SPIDR: variants seen among roughly 807,000 people sequenced by gnomAD.
SPIDR encodes the protein DNA repair-scaffolding protein.
In SPIDR, 93 loss-of-function variants were observed where a neutral mutation model predicts 104.6. That is an observed-to-expected ratio of 0.89 (90% confidence interval 0.75 to 1.06). The LOEUF is 1.06. SPIDR is among the 50% of genes least tolerant of loss of function. The probability of loss-of-function intolerance (pLI) is 0.00; values close to 1 mark genes in which losing one functional copy is unlikely to be tolerated. For missense variants in SPIDR, 1,154 were observed against 1,111.2 expected (o/e 1.04, Z -0.55); for synonymous variants, 431 against 416.9 (o/e 1.03, Z -0.41).
At chr8:47,293,611 T>C (rs1269705217) in intron 4 of SPIDR, among the ~76,000 whole-genome samples, 5 of 152,120 alleles carry the variant, frequency 3.3e-5, no homozygotes, top group African/African-American at 1.2e-4. Context: ...CGTGTCCAGC[T>C]AATTTTTTGT....
intron 8 of SPIDR, among the ~76,000 whole-genome samples, chr8:47,502,076 C>T (rs1163358798): frequency 2.0e-5 from 3 of 152,042 alleles, no homozygotes; most frequent in Non-Finnish European, 2.9e-5. Context: ...TGTCGATGTG[C>T]ATCAAGGATA....
In SPIDR at chr8:47,308,167, T is replaced by A. The variant is rs180927006; in HGVS notation, c.525+14137T>A. Among the ~76,000 whole-genome samples the A allele has an allele frequency of 8.6e-3, 1,305 of 152,050 alleles. 13 individuals carry two copies. The highest frequency in any genetic ancestry group is 0.014 in the Non-Finnish European group (927 of 67,962). ...ACCTCTACCTCCTGGGTTCAGCCGATTCTCCTGCCTCAGCCTCCCAAGTAG... is the reference window on the plus strand; with the variant it reads ...ACCTCTACCTCCTGGGTTCAGCCGAATCTCCTGCCTCAGCCTCCCAAGTAG... On this transcript the variant is annotated intron_variant, in intron 5 of 19. Coordinates refer to ENST00000297423, the MANE Select transcript of SPIDR (RefSeq NM_001080394.4).
intron 8 of SPIDR, among the ~76,000 whole-genome samples, chr8:47,591,878 A>C (rs2061054149): frequency 6.6e-6 from 1 of 151,954 alleles, no homozygotes; most frequent in Non-Finnish European, 1.5e-5. Context: ...GGATGGGGGA[A>C]GTAAATAGAA....
intron 8 of SPIDR, among the ~76,000 whole-genome samples, chr8:47,560,015 C>T (rs1315276598): frequency 6.6e-6 from 1 of 152,128 alleles, no homozygotes; most frequent in Non-Finnish European, 1.5e-5. Flanking sequence ...GGTAAAATTT[C>T]CTTGCTTATG....
rs1171032627 is a variant in SPIDR, at chr8:47,341,287, G to C, written c.525+47257G>C. Among the ~76,000 whole-genome samples the C allele has an allele frequency of 2.0e-5, 3 of 152,292 alleles. No homozygotes were observed. The South Asian group carries it at 6.2e-4, about 32-fold the overall frequency. ...ATTTTCACAGCAAGGCTATGAGGTA[G>C]TATGATATTCCCTTTCCATATGTAA... On this transcript the variant is annotated intron_variant, in intron 5 of 19. Coordinates refer to ENST00000297423, the MANE Select transcript of SPIDR (RefSeq NM_001080394.4).
At chr8:47,282,086 G>A (rs939057306) in intron 2 of SPIDR, among the ~76,000 whole-genome samples, 5 of 152,196 alleles carry the variant, frequency 3.3e-5, no homozygotes, top group Non-Finnish European at 5.9e-5. Flanking sequence ...TTTTTCTTCT[G>A]AGCAGATCTC....
At chr8:47,408,900 AT>A (rs2154323499) in intron 7 of SPIDR, among the ~76,000 whole-genome samples, 1 of 152,356 alleles carries the variant, frequency 6.6e-6, no homozygotes, top group African/African-American at 2.4e-5. Context: ...AAAGAATGAA[AT>A]TCGGGACCGG....
At chr8:47,315,010 A>G (rs1554588587) in intron 5 of SPIDR, among the ~76,000 whole-genome samples, 2 of 152,140 alleles carry the variant, frequency 1.3e-5, no homozygotes, top group African/African-American at 4.8e-5. Flanking sequence ...AGATAAGTAG[A>G]CTTCAAGACA....
intron 1 of SPIDR, among the ~76,000 whole-genome samples, chr8:47,263,377 T>A (rs892735833): frequency 6.6e-6 from 1 of 152,252 alleles, no homozygotes; most frequent in Non-Finnish European, 1.5e-5. Context: ...TTCTCCCATT[T>A]CTGCTGATTG....
rs180797955 is a variant in SPIDR, at chr8:47,683,878, G to A, written c.1685+9937G>A. Among the ~76,000 whole-genome samples the A allele has an allele frequency of 3.3e-5, 5 of 152,194 alleles. No homozygotes were observed. In the East Asian group the frequency reaches 9.7e-4, roughly 29 times the overall value. On this transcript the variant is annotated intron_variant, in intron 11 of 19. Transcript: ENST00000297423. ...ATGGTGGCTCACACCTGTAATTCCA[G>A]CACTTTGGGTGGCTGAGGCGGGTGG... is the stretch of plus-strand genomic sequence containing the variant.
intron 10 of SPIDR, among the ~76,000 whole-genome samples, chr8:47,666,357 A>C (rs1196057067): frequency 1.3e-5 from 2 of 152,184 alleles, no homozygotes; most frequent in Non-Finnish European, 2.9e-5. Context: ...TAGACTGATG[A>C]TCTATTCCTT....
At chr8:47,465,423 G>T (rs745794502) in intron 8 of SPIDR, among the ~76,000 whole-genome samples, 2 of 152,122 alleles carry the variant, frequency 1.3e-5, no homozygotes, top group Non-Finnish European at 2.9e-5. Context: ...AGCGTGGCAA[G>T]CTGGATAAAG....
chr8:47,716,779 C>T (rs1455198463), intron 16 of SPIDR, among the ~76,000 whole-genome samples: 1 of 152,064 alleles, frequency 6.6e-6, no homozygotes, highest in African/African-American at 2.4e-5. Context: ...TGGAAGGGCA[C>T]ATGGAAAACC....
chr8:47,504,466 G>A (rs537633244), intron 8 of SPIDR, among the ~76,000 whole-genome samples: 4 of 152,096 alleles, frequency 2.6e-5, no homozygotes, highest in African/African-American at 7.2e-5. Flanking sequence ...TAGTTCTCGT[G>A]CCTTGGTTTT....
chr8:47,679,623 G>A (rs1003807763), intron 11 of SPIDR, among the ~76,000 whole-genome samples: 11 of 145,560 alleles, frequency 7.6e-5, no homozygotes, highest in Admixed American at 5.4e-4. Context: ...CCATGTGCCC[G>A]CCTGCCTCCA....
chr8:47,310,851 T>G (rs1554584609), intron 5 of SPIDR, among the ~76,000 whole-genome samples: 1 of 152,108 alleles, frequency 6.6e-6, no homozygotes, highest in African/African-American at 2.4e-5. Flanking sequence ...AAAAAAAAAC[T>G]AAATAGTCTT....
chr8:47,486,665 C>T (rs968895711), intron 8 of SPIDR, among the ~76,000 whole-genome samples: 1 of 152,104 alleles, frequency 6.6e-6, no homozygotes, highest in African/African-American at 2.4e-5. Flanking sequence ...GCAGACACTC[C>T]GCAAGCCAGA....
chr8:47,415,469 A>T (rs1554674656), intron 7 of SPIDR, among the ~76,000 whole-genome samples: 1 of 152,070 alleles, frequency 6.6e-6, no homozygotes. Context: ...TGTGGTCTGA[A>T]TTTTTGTATG....
chr8:47,529,530 C>G (rs1052337388), intron 8 of SPIDR, among the ~76,000 whole-genome samples: 1 of 152,000 alleles, frequency 6.6e-6, no homozygotes, highest in Non-Finnish European at 1.5e-5. Context: ...AAATAAAACA[C>G]TAGCCCAGAC....
Sources: allele counts gnomAD v4.1 joint callset (sites outside exome capture counted in the v4.1 genomes callset), GRCh38; gene constraint gnomAD v4.1.1; transcripts MANE v1.5; gene names NCBI Gene and HGNC (gene_info 2026-07-23, HGNC 2026-07-21).